TGFBR2: variants seen among roughly 807,000 people sequenced by gnomAD.
TGFBR2 encodes the protein TGF-beta receptor type-2.
Under a neutral mutation model 49.0 loss-of-function variants are expected in TGFBR2, and 18 were observed. That is an observed-to-expected ratio of 0.37 (90% CI 0.25 to 0.54). The LOEUF (loss-of-function observed/expected upper bound fraction) is 0.54. Among genes scored for constraint, TGFBR2 ranks in the 20% least tolerant of loss-of-function variants. The pLI is 0.85. For missense variants in TGFBR2, 525 were observed against 722.6 expected (o/e 0.73, Z 3.13); for synonymous variants, 282 against 275.9 (o/e 1.02, Z -0.22).
chr3:30,620,047 C>T (rs1172146830), intron 1 of TGFBR2, among the ~76,000 whole-genome samples: 2 of 152,062 alleles, frequency 1.3e-5, no homozygotes, highest in African/African-American at 2.4e-5. Flanking sequence ...ATTAGCTGGG[C>T]GTGGTGGCGG....
intron 4 of TGFBR2, among the ~76,000 whole-genome samples, 181 bp from the exon 5 acceptor site, chr3:30,673,924 A>G (rs2125438483): frequency 6.6e-6 from 1 of 152,280 alleles, no homozygotes; most frequent in Non-Finnish European, 1.5e-5. Context: ...GGGAGAGAAC[A>G]TCTATTTTAA....
In TGFBR2 at chr3:30,608,173, G is replaced by A. The variant is rs145121413; in HGVS notation, c.94+1196G>A. On this transcript the variant is annotated intron_variant, in intron 1 of 6. Coordinates refer to ENST00000295754, the MANE Select transcript of TGFBR2 (RefSeq NM_003242.6). ...AGGGTGGTCTCGATCTCTTGACCTC[G>A]TGATCCGCCCACCTTGGCCTCCCAA... Among the ~76,000 whole-genome samples, 877 of 152,138 alleles carry A rather than the reference G, an allele frequency of 5.8e-3. 7 individuals carry two copies. Among genetic ancestry groups the A allele is most frequent in the African/African-American group, 0.02 (829 of 41,494 alleles).
chr3:30,628,278 G>A (rs1698371996), intron 1 of TGFBR2, among the ~76,000 whole-genome samples: 1 of 152,098 alleles, frequency 6.6e-6, no homozygotes, highest in African/African-American at 2.4e-5. Context: ...GGAAAGGGAA[G>A]TTAAAGCGGC....
chr3:30,607,964 C>T (rs1422696051), intron 1 of TGFBR2, among the ~76,000 whole-genome samples: 3 of 148,388 alleles, frequency 2.0e-5, no homozygotes, highest in African/African-American at 7.5e-5. Flanking sequence ...TTTTTGGAGA[C>T]GGAGTCTCGC....
chr3:30,659,905 A>T (rs1699087145), intron 3 of TGFBR2, among the ~76,000 whole-genome samples: 1 of 151,958 alleles, frequency 6.6e-6, no homozygotes, highest in South Asian at 2.1e-4. Context: ...AGGCTCAGGG[A>T]GGTGGCTAAC....
intron 1 of TGFBR2, among the ~76,000 whole-genome samples, chr3:30,625,049 T>C (rs923760707): frequency 2.6e-5 from 4 of 152,216 alleles, no homozygotes; most frequent in African/African-American, 4.8e-5. Flanking sequence ...AGGGATTCCA[T>C]AGCAAGTCTT....
In TGFBR2 at chr3:30,684,867, G is replaced by C. The variant is rs1337148589; in HGVS notation, c.1397-3517G>C. 2.0e-5 allele frequency among the ~76,000 whole-genome samples: 3 copies of C among 152,268 alleles called. No individual in the cohort carries two copies. The East Asian group carries it at 5.8e-4, about 29-fold the overall frequency. On this transcript the variant is annotated intron_variant, in intron 5 of 6. Transcript: ENST00000295754. ...TTCTTTAAGTAAAAATATGCCCAAT[G>C]CCATCTTCTCTCATTCCCCATGGAA...
Position 30,671,800 on chromosome 3 carries a change from C to T in TGFBR2, c.617C>T (p.Thr206Met), listed in dbSNP as rs150022335. Residue 206 changes from threonine to methionine, a missense_variant, in exon 4 of 7, where the codon ACG (threonine) becomes ATG (methionine). Coordinates refer to ENST00000295754, the MANE Select transcript of TGFBR2 (RefSeq NM_003242.6). ...KLSSTWETGKTRKLMEFSEHC... is the reference protein window; with the variant it reads ...KLSSTWETGKMRKLMEFSEHC... ...AGTTCAACCTGGGAAACCGGCAAGA[C>T]GCGGAAGCTCATGGAGTTCAGCGAG... 89 of 1,614,198 alleles carry T rather than the reference C, an allele frequency of 5.5e-5. No homozygotes were observed. In the Middle Eastern group the frequency reaches 1.2e-3, roughly 21 times the overall value.
chr3:30,662,905 C>A (rs770033426), intron 3 of TGFBR2, among the ~76,000 whole-genome samples: 6 of 152,150 alleles, frequency 3.9e-5, no homozygotes, highest in Non-Finnish European at 7.3e-5. Context: ...ATAAAATTTA[C>A]CTCTGAAACT....
At chr3:30,643,887 A>G (rs1445561886) in intron 1 of TGFBR2, among the ~76,000 whole-genome samples, 1 of 152,226 alleles carries the variant, frequency 6.6e-6, no homozygotes, top group African/African-American at 2.4e-5. Flanking sequence ...AGGAAGCTAA[A>G]CAAAGGTAAT....
intron 1 of TGFBR2, among the ~76,000 whole-genome samples, chr3:30,639,358 C>A (rs1475738334): frequency 6.6e-6 from 1 of 152,160 alleles, no homozygotes; most frequent in Non-Finnish European, 1.5e-5. Context: ...TAAAAGAAAT[C>A]ATTCTCTATA....
Position 30,691,710 on chromosome 3 carries a change from C to T in TGFBR2, c.*111C>T. Reference sequence around the variant, plus strand: ...ATGCTTCCTGGAAAACCAAGGGGGTCACTCCCCTCCCTGTAAGCTGTGGGG... The same window carrying T: ...ATGCTTCCTGGAAAACCAAGGGGGTTACTCCCCTCCCTGTAAGCTGTGGGG... On this transcript the variant is annotated 3_prime_UTR_variant, in exon 7 of 7. Transcript: ENST00000295754. 8.2e-7 allele frequency: 1 copy of T among 1,217,972 alleles called. No individual in the cohort carries two copies. The highest frequency in any genetic ancestry group is 2.4e-5 in the East Asian group (1 of 42,176). 75.4% of individuals were successfully genotyped at this position (1,217,972 alleles called of 1,614,324 possible).
chr3:30,610,320 G>C (rs1417738131), intron 1 of TGFBR2, among the ~76,000 whole-genome samples: 2 of 73,704 alleles, frequency 2.7e-5, no homozygotes, highest in Non-Finnish European at 7.1e-5. Flanking sequence ...ATTTTCAAAA[G>C]CCTCATTTTT....
At chr3:30,620,213 T>C (rs1265296590) in intron 1 of TGFBR2, among the ~76,000 whole-genome samples, 3 of 152,068 alleles carry the variant, frequency 2.0e-5, no homozygotes, top group Non-Finnish European at 4.4e-5. Context: ...AACAAAACTC[T>C]TACTAGAATG....
chr3:30,672,591 C>A lies in TGFBR2; in HGVS notation c.1254+154C>A, dbSNP rs1202375392. Among the ~76,000 whole-genome samples the A allele has an allele frequency of 6.6e-6, 1 of 152,250 alleles. No individual in the cohort carries two copies. The highest frequency in any genetic ancestry group is 1.5e-5 in the Non-Finnish European group (1 of 68,046). On this transcript the variant is annotated intron_variant, in intron 4 of 6. Transcript: ENST00000295754. This position sits in a 1 kb window ranked among gnomAD's most constrained non-coding sequence, Gnocchi z 4.5. Reference sequence around the variant, plus strand: ...AAGTATGGAGTCTGCCTTGAGCATACTCTGCTCTGTCCTGCCTGAGCATTT... The same window carrying A: ...AAGTATGGAGTCTGCCTTGAGCATAATCTGCTCTGTCCTGCCTGAGCATTT...
intron 2 of TGFBR2, among the ~76,000 whole-genome samples, chr3:30,649,750 C>A (rs1430936552): frequency 6.6e-6 from 1 of 152,122 alleles, no homozygotes; most frequent in Non-Finnish European, 1.5e-5. Context: ...ACACGCAATG[C>A]TCTGGGGCCC....
At chr3:30,645,713 C>T (rs1000623799) in intron 2 of TGFBR2, among the ~76,000 whole-genome samples, 1 of 151,776 alleles carries the variant, frequency 6.6e-6, no homozygotes, top group Non-Finnish European at 1.5e-5. Context: ...CTCGAACTCC[C>T]GACCTCAGGT....
At chr3:30,636,732 A>ATG (rs1274241602) in intron 1 of TGFBR2, among the ~76,000 whole-genome samples, 2 of 135,544 alleles carry the variant, frequency 1.5e-5, no homozygotes, top group Admixed American at 7.5e-5. Flanking sequence ...ATGTGTGTGC[A>ATG]CGTGTGTGTG....
intron 1 of TGFBR2, among the ~76,000 whole-genome samples, chr3:30,607,474 A>T (rs1041939683): frequency 3.9e-5 from 6 of 152,232 alleles, no homozygotes; most frequent in African/African-American, 1.4e-4. Context: ...GCTTTCCCTC[A>T]GGCCGGCTTC....
Sources: allele counts gnomAD v4.1 joint callset (sites outside exome capture counted in the v4.1 genomes callset), GRCh38; gene constraint gnomAD v4.1.1; non-coding constraint Gnocchi (gnomAD v3.1); transcripts MANE v1.5; gene names NCBI Gene and HGNC (gene_info 2026-07-23, HGNC 2026-07-21).